SPATS2: variants seen among roughly 807,000 people sequenced by gnomAD.
The protein encoded by SPATS2 is spermatogenesis-associated serine-rich protein 2.
A neutral mutation model predicts 63.7 loss-of-function variants in SPATS2; 38 were observed. The observed-to-expected ratio is 0.60, with a 90% confidence interval of 0.46 to 0.78. The LOEUF (loss-of-function observed/expected upper bound fraction) is 0.78, where lower values mean the gene tolerates loss of function less well. SPATS2 is among the 30% of genes least tolerant of loss of function. The pLI, the probability that SPATS2 is intolerant of heterozygous loss-of-function variation, is 0.00. For synonymous variants in SPATS2, 207 were observed against 232.9 expected (o/e 0.89, Z 1.01); for missense variants, 588 against 666.2 (o/e 0.88, Z 1.29).
intron 11 of SPATS2, among the ~76,000 whole-genome samples, chr12:49,522,317 G>A (rs1290529989): frequency 2.0e-5 from 3 of 152,202 alleles, no homozygotes; most frequent in African/African-American, 7.2e-5. Flanking sequence ...AAGAGATGAA[G>A]TAGGTTTCCT....
At chr12:49,431,142 T>G (rs915499302) in intron 2 of SPATS2, among the ~76,000 whole-genome samples, 1 of 152,252 alleles carries the variant, frequency 6.6e-6, no homozygotes. Flanking sequence ...TCATCACTGC[T>G]ACTAGTTTTT....
intron 3 of SPATS2, among the ~76,000 whole-genome samples, chr12:49,483,600 A>T (rs1946241968): frequency 6.6e-6 from 1 of 152,272 alleles, no homozygotes; most frequent in Non-Finnish European, 1.5e-5. Context: ...GCCATGAAAG[A>T]ATCTTTAATT....
chr12:49,506,535 C>T (rs1037047984), intron 9 of SPATS2, among the ~76,000 whole-genome samples: 1 of 152,098 alleles, frequency 6.6e-6, no homozygotes, highest in African/African-American at 2.4e-5. Context: ...TTCACCTGGC[C>T]CCACCCTTGA....
intron 2 of SPATS2, among the ~76,000 whole-genome samples, chr12:49,451,312 G>T (rs1267175642): frequency 6.7e-6 from 1 of 150,368 alleles, no homozygotes; most frequent in African/African-American, 2.4e-5. Context: ...TTTTTCAGTT[G>T]TTTTCTTAGT....
chr12:49,466,850 TAG>T (rs1429319524), intron 3 of SPATS2, among the ~76,000 whole-genome samples: 1 of 152,170 alleles, frequency 6.6e-6, no homozygotes, highest in African/African-American at 2.4e-5. Flanking sequence ...TGGAATCTGA[TAG>T]AGAGTGCACT....
Position 49,526,908 on chromosome 12 carries a change from A to G in SPATS2, c.*653A>G, listed in dbSNP as rs1947045422. The G allele has an allele frequency of 6.6e-6, 1 of 151,446 alleles. No homozygotes were observed. The highest frequency in any genetic ancestry group is 2.4e-5 in the African/African-American group (1 of 41,168). The allele number at this position is 151,446 out of a possible 1,614,324, so 9.4% of individuals were successfully genotyped here. On this transcript the variant is annotated 3_prime_UTR_variant, in exon 14 of 14. Coordinates refer to ENST00000552918, the MANE Select transcript of SPATS2 (RefSeq NM_023071.4). ...ATTGCAAACCAGTCTAGGGAAGTCTATGAGAAAGTAGCATTTAATTAAAGT... is the reference window on the plus strand; with the variant it reads ...ATTGCAAACCAGTCTAGGGAAGTCTGTGAGAAAGTAGCATTTAATTAAAGT...
At chr12:49,452,304 G>A (rs1020321598) in intron 2 of SPATS2, among the ~76,000 whole-genome samples, 1 of 152,100 alleles carries the variant, frequency 6.6e-6, no homozygotes, top group Non-Finnish European at 1.5e-5. Context: ...CTTTTTGTTT[G>A]TTAATGTTTA....
intron 6 of SPATS2, among the ~76,000 whole-genome samples, chr12:49,493,113 A>G (rs1020362975): frequency 1.3e-5 from 2 of 151,736 alleles, no homozygotes; most frequent in African/African-American, 2.4e-5. Flanking sequence ...AAAAAAAAAA[A>G]AAAAGAAAGA....
chr12:49,376,959 G>A (rs574881385), intron 2 of SPATS2, among the ~76,000 whole-genome samples: 2 of 152,050 alleles, frequency 1.3e-5, no homozygotes, highest in Admixed American at 6.6e-5. Flanking sequence ...CTTGTGATCC[G>A]CCTGCCTTGG....
chr12:49,377,092 G>A (rs1053006698), intron 2 of SPATS2, among the ~76,000 whole-genome samples: 1 of 152,098 alleles, frequency 6.6e-6, no homozygotes, highest in Admixed American at 6.6e-5. Flanking sequence ...TATACACACT[G>A]AATACACTAG....
chr12:49,449,553 G>T (rs762087875), intron 2 of SPATS2, among the ~76,000 whole-genome samples: 2 of 152,078 alleles, frequency 1.3e-5, no homozygotes, highest in African/African-American at 2.4e-5. Context: ...CTGTTCCCAC[G>T]CTGCAAATAA....
chr12:49,502,028 C>A (rs559948585), intron 9 of SPATS2, among the ~76,000 whole-genome samples: 1 of 152,220 alleles, frequency 6.6e-6, no homozygotes, highest in East Asian at 1.9e-4. Flanking sequence ...GGAAGACAAG[C>A]AGCTAGGGTG....
intron 2 of SPATS2, among the ~76,000 whole-genome samples, chr12:49,408,553 T>TAGAA: frequency 9.1e-6 from 1 of 110,162 alleles, no homozygotes; most frequent in Non-Finnish European, 1.8e-5. Flanking sequence ...GTGCCTGGCC[T>TAGAA]TTTTTTTTTT....
At chr12:49,463,773 T>C (rs1179099458) in intron 3 of SPATS2, 2 of 152,236 alleles carry the variant, frequency 1.3e-5, no homozygotes, top group Admixed American at 1.3e-4. Context: ...GCTCTCATTT[T>C]GTAATGAGTT....
At chr12:49,459,492 G>A (rs190482253) in intron 2 of SPATS2, among the ~76,000 whole-genome samples, 6 of 152,002 alleles carry the variant, frequency 3.9e-5, no homozygotes, top group Admixed American at 1.3e-4. Context: ...GAGATTACAG[G>A]CATGCACCAC....
rs1946911702 is a variant in SPATS2, at chr12:49,519,912, G to A, written c.1008+730G>A. On this transcript the variant is annotated intron_variant, in intron 11 of 13. Transcript: ENST00000552918. ...TCACTGCATCCTCCACCTCCTAGGT[G>A]CAAGCAATTCTCCTGCTCCAGCCTC... Among the ~76,000 whole-genome samples, 3 of 150,430 alleles carry A rather than the reference G, an allele frequency of 2.0e-5. 1 individual carries two copies. The highest frequency in any genetic ancestry group is 7.4e-5 in the African/African-American group (3 of 40,788).
intron 2 of SPATS2, among the ~76,000 whole-genome samples, chr12:49,437,280 G>T (rs1453463521): frequency 6.6e-6 from 1 of 151,764 alleles, no homozygotes; most frequent in Non-Finnish European, 1.5e-5. Context: ...GGGCGGCCTG[G>T]CAGAGACGCT....
Position 49,526,381 on chromosome 12 carries a change from A to G in SPATS2, c.*126A>G, listed in dbSNP as rs992668779. 11 of 1,226,146 alleles carry G rather than the reference A, an allele frequency of 9.0e-6. No individual in the cohort carries two copies. The East Asian group carries it at 2.6e-4, about 29-fold the overall frequency. 76.0% of individuals were successfully genotyped at this position (1,226,146 alleles called of 1,614,324 possible). On this transcript the variant is annotated 3_prime_UTR_variant, in exon 14 of 14. Coordinates refer to ENST00000552918, the MANE Select transcript of SPATS2 (RefSeq NM_023071.4). ...TGCGTATCACTTTTTGTGCCATTCT[A>G]AGTATTTTTGGTTTCTTGTCTCCTT...
intron 2 of SPATS2, among the ~76,000 whole-genome samples, chr12:49,436,803 G>A (rs1945308199): frequency 7.1e-6 from 1 of 141,202 alleles, no homozygotes; most frequent in Non-Finnish European, 1.6e-5. Flanking sequence ...TCCCAGTAGG[G>A]GCGGCCGGGC....
Sources: allele counts gnomAD v4.1 joint callset (sites outside exome capture counted in the v4.1 genomes callset), GRCh38; gene constraint gnomAD v4.1.1; transcripts MANE v1.5; gene names NCBI Gene and HGNC (gene_info 2026-07-23, HGNC 2026-07-21).